MYO3B: variants seen among roughly 807,000 people sequenced by gnomAD.
MYO3B encodes myosin-IIIb.
MYO3B carries 156 observed loss-of-function variants against 174.6 expected under a neutral mutation model. That is an observed-to-expected ratio of 0.89 (90% confidence interval 0.78 to 1.02). The LOEUF is 1.02. Ranked by LOEUF, MYO3B falls within the 50% of genes least tolerant of loss-of-function variation. The pLI is 0.00. For synonymous variants in MYO3B, 563 were observed against 569.1 expected, an observed-to-expected ratio of 0.99 and a Z score of 0.15; for missense variants, 1,632 against 1,639.4, an observed-to-expected ratio of 1.00 and a Z score of 0.08.
intron 30 of MYO3B, among the ~76,000 whole-genome samples, chr2:170,533,434 G>T (rs1355295513): frequency 6.8e-6 from 1 of 147,280 alleles, no homozygotes; most frequent in Non-Finnish European, 1.5e-5. Context: ...GTGGGGGGGG[G>T]GTGTGCAGTG....
intron 8 of MYO3B, among the ~76,000 whole-genome samples, chr2:170,363,057 T>A (rs557550094): frequency 6.6e-6 from 1 of 152,124 alleles, no homozygotes; most frequent in Non-Finnish European, 1.5e-5. Flanking sequence ...TTGACGATGA[T>A]AGCAACCACA....
chr2:170,369,214 G>A lies in MYO3B; in HGVS notation c.816-8G>A. 6.2e-7 allele frequency: 1 copy of A among 1,610,346 alleles called. No homozygotes were observed. The highest frequency in any genetic ancestry group is 1.1e-5 in the South Asian group (1 of 90,612). The stretch of plus-strand genomic sequence containing the variant: ...TACTTTGGATTGTTTGTTGGTTTTT[G>A]CAAACAGGTGTCTTATTAAGGATTT... On this transcript the variant is annotated splice_region_variant and splice_polypyrimidine_tract_variant and intron_variant, in intron 8 of 34. Transcript: ENST00000408978.
chr2:170,301,243 A>C (rs1485738709), intron 7 of MYO3B, among the ~76,000 whole-genome samples: 1 of 152,232 alleles, frequency 6.6e-6, no homozygotes, highest in East Asian at 1.9e-4. Context: ...GGTGATCGAA[A>C]TCCTAGTTAA....
At chr2:170,440,798 GTTTTTTT>G (rs745789992) in intron 22 of MYO3B, among the ~76,000 whole-genome samples, 11 of 99,116 alleles carry the variant, frequency 1.1e-4, no homozygotes, top group South Asian at 7.8e-4. Flanking sequence ...TTGGGTGTTG[GTTTTTTT>G]TTTTTTTTTT....
At chr2:170,462,150 A>G (rs1684333680) in intron 23 of MYO3B, among the ~76,000 whole-genome samples, 1 of 152,106 alleles carries the variant, frequency 6.6e-6, no homozygotes, top group African/African-American at 2.4e-5. Flanking sequence ...CTCCTTTCCC[A>G]TTAGAAAACA....
intron 7 of MYO3B, among the ~76,000 whole-genome samples, chr2:170,246,349 T>C (rs1170932242): frequency 3.3e-5 from 5 of 152,182 alleles, no homozygotes. Flanking sequence ...AAGTTATGGG[T>C]TGAACTGTGG....
At chr2:170,454,832 G>C (rs1054182144) in intron 23 of MYO3B, among the ~76,000 whole-genome samples, 6 of 152,140 alleles carry the variant, frequency 3.9e-5, no homozygotes, top group Non-Finnish European at 2.9e-5. Context: ...AGAGAATTTG[G>C]GGATCTGAAT....
intron 8 of MYO3B, among the ~76,000 whole-genome samples, chr2:170,360,926 G>A (rs13006828): frequency 0.55 from 82,873 of 152,042 alleles, 23,614 homozygotes; most frequent in Admixed American, 0.68. Context: ...CTGTGAGAAA[G>A]TACATTTCTG....
At chr2:170,427,450 A>T (rs929877723) in intron 22 of MYO3B, among the ~76,000 whole-genome samples, 4 of 152,246 alleles carry the variant, frequency 2.6e-5, no homozygotes, top group Non-Finnish European at 5.9e-5. Flanking sequence ...CTTTAACACC[A>T]TGAAACATAT....
intron 22 of MYO3B, among the ~76,000 whole-genome samples, chr2:170,431,976 T>A (rs2094712893): frequency 6.6e-6 from 1 of 152,238 alleles, no homozygotes; most frequent in South Asian, 2.1e-4. Context: ...TACTCAGGTG[T>A]TTGTGGTGAT....
At chr2:170,207,629 A>T (rs781152358) in intron 3 of MYO3B, among the ~76,000 whole-genome samples, 3 of 151,690 alleles carry the variant, frequency 2.0e-5, no homozygotes, top group Non-Finnish European at 4.4e-5. Flanking sequence ...CATAGTACAG[A>T]GAGACAATTA....
At chr2:170,556,642 T>C (rs1240266258) in intron 32 of MYO3B, among the ~76,000 whole-genome samples, 2 of 152,138 alleles carry the variant, frequency 1.3e-5, no homozygotes, top group Non-Finnish European at 2.9e-5. Context: ...CTGCCTCAGC[T>C]TCCCAAGTAG....
At chr2:170,185,527 T>C (rs2092451283) in intron 1 of MYO3B, among the ~76,000 whole-genome samples, 1 of 152,188 alleles carries the variant, frequency 6.6e-6, no homozygotes, top group African/African-American at 2.4e-5. Flanking sequence ...GCCAGTGCCA[T>C]GCTGTTTTGG....
intron 9 of MYO3B, among the ~76,000 whole-genome samples, chr2:170,374,568 C>A (rs1341648410): frequency 6.6e-6 from 1 of 152,026 alleles, no homozygotes; most frequent in Non-Finnish European, 1.5e-5. Flanking sequence ...TATTCAAAAA[C>A]AAGGCTAAGA....
intron 3 of MYO3B, among the ~76,000 whole-genome samples, chr2:170,208,091 G>A (rs1348800545): frequency 6.6e-6 from 1 of 152,154 alleles, no homozygotes; most frequent in East Asian, 1.9e-4. Flanking sequence ...TGGGAAGCCT[G>A]GCTTAACTGG....
chr2:170,288,334 T>C (rs1025007907), intron 7 of MYO3B, among the ~76,000 whole-genome samples: 1 of 152,058 alleles, frequency 6.6e-6, no homozygotes, highest in Non-Finnish European at 1.5e-5. Flanking sequence ...ATTTTGACAA[T>C]ATTAATTATT....
intron 7 of MYO3B, among the ~76,000 whole-genome samples, chr2:170,277,305 A>G (rs1308522455): frequency 1.3e-5 from 2 of 152,184 alleles, no homozygotes; most frequent in Non-Finnish European, 2.9e-5. Context: ...TTTAAATAGG[A>G]TTTCCCAAGA....
At chr2:170,188,741 A>C (rs1040770177) in intron 1 of MYO3B, among the ~76,000 whole-genome samples, 9 of 152,172 alleles carry the variant, frequency 5.9e-5, no homozygotes, top group African/African-American at 2.2e-4. Flanking sequence ...AAGAGAAATT[A>C]ATGAGAACTC....
At chr2:170,261,421 C>T (rs972282209) in intron 7 of MYO3B, among the ~76,000 whole-genome samples, 7 of 152,160 alleles carry the variant, frequency 4.6e-5, no homozygotes, top group South Asian at 2.1e-4. Context: ...GACATGGTGG[C>T]GAGCACCTGT....
Sources: gnomAD v4.1 joint callset for allele counts (sites outside exome capture counted in the v4.1 genomes callset) on GRCh38, gnomAD v4.1.1 for gene constraint, MANE v1.5 for transcripts, NCBI Gene and HGNC (gene_info 2026-07-23, HGNC 2026-07-21) for gene names.